Variants in ABCB5 observed in about 807,000 individuals in gnomAD.
ABCB5 encodes the protein ATP binding cassette subfamily B member 5, also known as ATP-binding cassette sub-family B member 5.
A neutral mutation model predicts 144.2 loss-of-function variants in ABCB5; 155 were observed. The ratio of observed to expected loss-of-function variants is 1.08; its 90% CI spans 0.94 to 1.23. The LOEUF is 1.23. ABCB5 is among the 50% of genes most tolerant of loss of function. The probability of loss-of-function intolerance (pLI) is 0.00; values close to 1 mark genes in which losing one functional copy is unlikely to be tolerated. For missense variants in ABCB5, 1,830 were observed against 1,520.8 expected, an observed-to-expected ratio of 1.20 and a Z score of -3.38; for synonymous variants, 610 against 528.6, an observed-to-expected ratio of 1.15 and a Z score of -2.11.
At position 20,731,488 on chromosome 7, in the gene ABCB5, T is replaced by C. The variant is rs530014390; in HGVS notation, c.2867+3033T>C. ...ATCTATTACACTTTCATTAGTGTTCTCATCCAATCTGTCAGTTTTAAATAC... is the reference window on the plus strand; with the variant it reads ...ATCTATTACACTTTCATTAGTGTTCCCATCCAATCTGTCAGTTTTAAATAC... On this transcript the variant is annotated intron_variant, in intron 23 of 27. Coordinates refer to ENST00000404938, the MANE Select transcript of ABCB5 (RefSeq NM_001163941.2). Among the ~76,000 whole-genome samples, 45 of 152,144 alleles carry C rather than the reference T, an allele frequency of 3.0e-4. 1 individual carries two copies. The East Asian group carries it at 8.5e-3, about 29-fold the overall frequency.
intron 23 of ABCB5, among the ~76,000 whole-genome samples, chr7:20,738,270 A>C (rs955864043): frequency 6.6e-6 from 1 of 152,226 alleles, no homozygotes; most frequent in Non-Finnish European, 1.5e-5. Context: ...ATCGAAAATG[A>C]GAGGAAAATA....
intron 26 of ABCB5, among the ~76,000 whole-genome samples, chr7:20,747,189 G>A (rs1331614804): frequency 2.6e-5 from 4 of 152,146 alleles, no homozygotes; most frequent in Non-Finnish European, 5.9e-5. Context: ...TTAATTTGTG[G>A]TCAGATTGTT....
At chr7:20,667,342 C>G in intron 14 of ABCB5, 3 of 984,692 alleles carry the variant, frequency 3.0e-6, no homozygotes, top group Non-Finnish European at 3.6e-6. Flanking sequence ...AAGTGAATCC[C>G]CTGTGAAGAA....
Position 20,642,403 on chromosome 7 carries a change from A to G in ABCB5, c.315-781A>G, listed in dbSNP as rs547673539. Among the ~76,000 whole-genome samples the G allele has an allele frequency of 4.6e-5, 7 of 152,292 alleles. No individual in the cohort carries two copies. The South Asian group carries it at 1.2e-3, about 27-fold the overall frequency. Reference sequence around the variant, plus strand: ...TCACGTTTTGGATCCCAGCTATAATATCACTTCCTCACAGAAACTTTTCTT... The same window carrying G: ...TCACGTTTTGGATCCCAGCTATAATGTCACTTCCTCACAGAAACTTTTCTT... On this transcript the variant is annotated intron_variant, in intron 5 of 27. Coordinates refer to ENST00000404938, the MANE Select transcript of ABCB5 (RefSeq NM_001163941.2).
intron 21 of ABCB5, among the ~76,000 whole-genome samples, chr7:20,723,938 A>C (rs1562580256): frequency 6.6e-6 from 1 of 152,192 alleles, no homozygotes; most frequent in Non-Finnish European, 1.5e-5. Context: ...AACCATATTC[A>C]TACAAATAAT....
At chr7:20,647,252 C>T in intron 9 of ABCB5, 1 of 1,119,434 alleles carries the variant, frequency 8.9e-7, no homozygotes, top group Non-Finnish European at 1.1e-6. Context: ...GTCACACATC[C>T]CAGCATGTGA....
intron 23 of ABCB5, among the ~76,000 whole-genome samples, chr7:20,731,090 C>T (rs1583457389): frequency 1.3e-5 from 2 of 152,046 alleles, no homozygotes; most frequent in Non-Finnish European, 2.9e-5. Flanking sequence ...CACGGTGGCT[C>T]ATGCCTGTAG....
At chr7:20,641,947 T>C (rs1207580405) in intron 5 of ABCB5, 1 of 152,220 alleles carries the variant, frequency 6.6e-6, no homozygotes, top group East Asian at 1.9e-4. Context: ...CAGTTTTTGT[T>C]TCCAAAATAC....
rs202137202 is a variant in ABCB5 at position 20,651,667 on chromosome 7, C to T, written c.1536+44C>T. On this transcript the variant is annotated intron_variant, in intron 13 of 27. Transcript: ENST00000404938. ...CTGTGTCCTTAGCTTATGGTGGCAG[C>T]GCTGCGACATTCCAATATAAGGTAA... is the stretch of plus-strand genomic sequence containing the variant. The T allele has an allele frequency of 9.4e-4, 1,480 of 1,576,826 alleles. 1 individual carries two copies. Among genetic ancestry groups the T allele is most frequent in the Middle Eastern group, 2.6e-3 (15 of 5,836 alleles).
chr7:20,667,119 GTT>G, intron 14 of ABCB5: 1 of 788,894 alleles, frequency 1.3e-6, no homozygotes, highest in Non-Finnish European at 1.6e-6. Context: ...CTGAGGCACA[GTT>G]TTTTCCCTTT....
chr7:20,656,238 C>G (rs145987373), intron 13 of ABCB5, among the ~76,000 whole-genome samples: 58 of 152,082 alleles, frequency 3.8e-4, no homozygotes, highest in African/African-American at 1.2e-3. Context: ...GTTTCTTAGA[C>G]TGAAAAGCAT....
At chr7:20,721,991 G>A (rs1389436904) in intron 20 of ABCB5, among the ~76,000 whole-genome samples, 1 of 152,006 alleles carries the variant, frequency 6.6e-6, no homozygotes. Context: ...ATGTAAAACT[G>A]GTACTTTGAT....
chr7:20,623,969 G>A (rs1562525892), intron 2 of ABCB5, among the ~76,000 whole-genome samples: 1 of 152,198 alleles, frequency 6.6e-6, no homozygotes, highest in African/African-American at 2.4e-5. Flanking sequence ...TTTCTTGTGA[G>A]TCAGAATCAG....
intron 4 of ABCB5, among the ~76,000 whole-genome samples, chr7:20,629,909 G>A (rs1783999525): frequency 6.6e-6 from 1 of 152,200 alleles, no homozygotes; most frequent in Non-Finnish European, 1.5e-5. Flanking sequence ...ACATAATGCA[G>A]AAGAGAAGCA....
intron 13 of ABCB5, among the ~76,000 whole-genome samples, chr7:20,654,460 C>T (rs1369626031): frequency 6.6e-6 from 1 of 152,070 alleles, no homozygotes; most frequent in Non-Finnish European, 1.5e-5. Context: ...GGTGGAATAT[C>T]AGTAAGAATA....
intron 20 of ABCB5, among the ~76,000 whole-genome samples, chr7:20,719,081 A>G (rs1394262094): frequency 6.6e-6 from 1 of 152,208 alleles, no homozygotes; most frequent in Non-Finnish European, 1.5e-5. Flanking sequence ...CACGTAATAA[A>G]CCAAATCTGA....
At chr7:20,650,876 A>G (rs947235226) in intron 12 of ABCB5, among the ~76,000 whole-genome samples, 2 of 152,198 alleles carry the variant, frequency 1.3e-5, no homozygotes, top group Non-Finnish European at 2.9e-5. Context: ...TTGGTAAGAA[A>G]TAGAGACTCT....
intron 25 of ABCB5, among the ~76,000 whole-genome samples, chr7:20,744,126 G>A (rs1258415428): frequency 5.3e-5 from 8 of 151,972 alleles, no homozygotes; most frequent in African/African-American, 9.7e-5. Context: ...GTACAGTGGC[G>A]TGATCTCTGC....
intron 26 of ABCB5, among the ~76,000 whole-genome samples, chr7:20,751,655 A>G (rs113437664): frequency 6.6e-6 from 1 of 152,206 alleles, no homozygotes. Flanking sequence ...AGAAAGGGCT[A>G]CGAGCTCATT....
Sources: gnomAD v4.1 joint callset for allele counts (sites outside exome capture counted in the v4.1 genomes callset) on GRCh38, gnomAD v4.1.1 for gene constraint, MANE v1.5 for transcripts, NCBI Gene and HGNC (gene_info 2026-07-23, HGNC 2026-07-21) for gene names.